The following REDIC1 variants were observed in gnomAD, a reference collection of about 807,000 sequenced individuals.
REDIC1 encodes regulator of DNA class I crossover intermediates 1, also known as HEI10 Interacting Protein 1.
the REDIC1 span, among the ~76,000 whole-genome samples, chr12:39,841,105 G>A: frequency 0.015 from 2,304 of 152,076 alleles, 27 homozygotes; most frequent in Middle Eastern, 0.024. Flanking sequence ...CCCCTTACAC[G>A]TTGAGGCTAA....
chr12:39,646,315 A>G, the REDIC1 span: 207 of 912,968 alleles, frequency 2.3e-4, no homozygotes, highest in African/African-American at 3.1e-3. Context: ...ATAATTATAT[A>G]TTTTTTATTA....
At chr12:39,835,392 C>T in the REDIC1 span, among the ~76,000 whole-genome samples, 2 of 152,092 alleles carry the variant, frequency 1.3e-5, no homozygotes, top group African/African-American at 4.8e-5. Context: ...TTTACTCTTA[C>T]ATACTAATTT....
At chr12:39,671,783 A>G in the REDIC1 span, among the ~76,000 whole-genome samples, 1 of 152,062 alleles carries the variant, frequency 6.6e-6, no homozygotes, top group East Asian at 1.9e-4. Flanking sequence ...TCTGGGAAGG[A>G]ATGTGCAGAT....
At chr12:39,800,635 T>G in the REDIC1 span, among the ~76,000 whole-genome samples, 74 of 40,508 alleles carry the variant, frequency 1.8e-3, no homozygotes, top group African/African-American at 6.0e-3. Flanking sequence ...GGAACACTTT[T>G]ACACTGTTGG....
chr12:39,720,862 A>T, the REDIC1 span: 1 of 1,613,240 alleles, frequency 6.2e-7, no homozygotes, highest in Non-Finnish European at 8.5e-7. Context: ...CAAGGAAAAA[A>T]TGAATAATTT....
At chr12:39,669,158 T>C in the REDIC1 span, among the ~76,000 whole-genome samples, 1 of 152,180 alleles carries the variant, frequency 6.6e-6, no homozygotes, top group Non-Finnish European at 1.5e-5. Context: ...GTTTTTCTGC[T>C]CCGTTTTTTC....
chr12:39,807,670 A>G, the REDIC1 span, among the ~76,000 whole-genome samples: 274 of 152,136 alleles, frequency 1.8e-3, no homozygotes, highest in Middle Eastern at 3.4e-3. Flanking sequence ...TAGTTTTTCT[A>G]TTTCTTTTTG....
the REDIC1 span, among the ~76,000 whole-genome samples, chr12:39,836,479 T>C: frequency 6.6e-6 from 1 of 151,978 alleles, no homozygotes; most frequent in Non-Finnish European, 1.5e-5. Flanking sequence ...GTGTTGGAAG[T>C]TCTGGCCAGG....
At chr12:39,713,281 T>TATATGTGTACACAC in the REDIC1 span, among the ~76,000 whole-genome samples, 1 of 11,032 alleles carries the variant, frequency 9.1e-5, no homozygotes, top group African/African-American at 1.4e-4. Context: ...TACACACACA[T>TATATGTGTACACAC]ACGTGTATAT....
the REDIC1 span, among the ~76,000 whole-genome samples, chr12:39,822,483 T>C: frequency 1.3e-5 from 2 of 152,216 alleles, no homozygotes; most frequent in African/African-American, 2.4e-5. Context: ...CCACGCATTT[T>C]CCTTTCTCTT....
chr12:39,799,856 G>T, the REDIC1 span, among the ~76,000 whole-genome samples: 1 of 152,186 alleles, frequency 6.6e-6, no homozygotes, highest in African/African-American at 2.4e-5. Flanking sequence ...CAAGAAACTT[G>T]GTAGAACTTT....
chr12:39,729,633 C>G, the REDIC1 span, among the ~76,000 whole-genome samples: 1 of 152,108 alleles, frequency 6.6e-6, no homozygotes. Flanking sequence ...AATGTATATT[C>G]TGTTGATTTG....
the REDIC1 span, among the ~76,000 whole-genome samples, chr12:39,817,004 T>C: frequency 6.6e-6 from 1 of 152,186 alleles, no homozygotes; most frequent in African/African-American, 2.4e-5. Context: ...CATTCCCACT[T>C]TCAGGATACC....
the REDIC1 span, among the ~76,000 whole-genome samples, chr12:39,892,386 C>G: frequency 6.6e-6 from 1 of 152,096 alleles, no homozygotes; most frequent in South Asian, 2.1e-4. Flanking sequence ...CTGTCTGGCC[C>G]GGCCACAGGA....
At chr12:39,640,292 C>A in the REDIC1 span, among the ~76,000 whole-genome samples, 1 of 151,886 alleles carries the variant, frequency 6.6e-6, no homozygotes. Context: ...AAAATGTCAT[C>A]TGTAAACCAG....
chr12:39,686,536 T>C, the REDIC1 span, among the ~76,000 whole-genome samples: 3 of 152,226 alleles, frequency 2.0e-5, no homozygotes, highest in East Asian at 5.8e-4. Flanking sequence ...GCCCTGAGCC[T>C]GGCCCAGGAA....
chr12:39,769,513 T>G, the REDIC1 span, among the ~76,000 whole-genome samples: 1 of 141,560 alleles, frequency 7.1e-6, no homozygotes, highest in African/African-American at 2.7e-5. Flanking sequence ...TCTCAATATT[T>G]GAGAAAAGAA....
At chr12:39,879,900 T>A in the REDIC1 span, among the ~76,000 whole-genome samples, 1 of 152,178 alleles carries the variant, frequency 6.6e-6, no homozygotes, top group Admixed American at 6.5e-5. Context: ...AATCTCATGT[T>A]GAATTGTAAT....
chr12:39,728,286 A>T, the REDIC1 span, among the ~76,000 whole-genome samples: 1 of 152,158 alleles, frequency 6.6e-6, no homozygotes, highest in Non-Finnish European at 1.5e-5. Flanking sequence ...GGTTTGTCAT[A>T]AATAGCTCTT....
Sources: gnomAD v4.1 joint callset for allele counts (sites outside exome capture counted in the v4.1 genomes callset) on GRCh38, gnomAD v4.1.1 for gene constraint, MANE v1.5 for transcripts, NCBI Gene and HGNC (gene_info 2026-07-23, HGNC 2026-07-21) for gene names.